The following ADK variants were observed in gnomAD, a reference collection of about 807,000 sequenced individuals.
ADK encodes adenosine kinase.
A neutral mutation model predicts 44.7 loss-of-function variants in ADK; 24 were observed. The ratio of observed to expected loss-of-function variants is 0.54; its 90% confidence interval spans 0.39 to 0.76. The LOEUF (loss-of-function observed/expected upper bound fraction) is 0.76. ADK is among the 30% of genes least tolerant of loss of function. ADK has a pLI of 0.00. For missense variants in ADK, 321 were observed against 425.1 expected (o/e 0.76, Z 2.15); for synonymous variants, 128 against 142.6 (o/e 0.90, Z 0.73).
intron 3 of ADK, among the ~76,000 whole-genome samples, chr10:74,306,976 T>C (rs1467238642): frequency 6.6e-6 from 1 of 152,204 alleles, no homozygotes; most frequent in African/African-American, 2.4e-5. Context: ...ACTTCAGCCT[T>C]ATGTAATTGC....
chr10:74,645,483 T>C (rs890591605), intron 9 of ADK, among the ~76,000 whole-genome samples: 1 of 152,206 alleles, frequency 6.6e-6, no homozygotes, highest in African/African-American at 2.4e-5. Context: ...AATGGAAATA[T>C]AGGTTTTGTG....
intron 1 of ADK, among the ~76,000 whole-genome samples, chr10:74,186,228 C>CCT (rs1564579554): frequency 5.1e-4 from 24 of 46,726 alleles, no homozygotes; most frequent in African/African-American, 1.2e-3. Flanking sequence ...TTCCCTTCCC[C>CCT]TCCTTTCCCT....
intron 3 of ADK, among the ~76,000 whole-genome samples, chr10:74,225,079 A>G (rs1425659297): frequency 6.6e-6 from 1 of 152,118 alleles, no homozygotes; most frequent in African/African-American, 2.4e-5. Flanking sequence ...AAGGTAAAAC[A>G]CTTTATTTTA....
At chr10:74,665,741 G>A (rs1443981087) in intron 9 of ADK, among the ~76,000 whole-genome samples, 3 of 20,270 alleles carry the variant, frequency 1.5e-4, no homozygotes, top group Non-Finnish European at 3.3e-4. Context: ...GCTCTTGAGA[G>A]AGAGAGAGAG....
chr10:74,253,422 AC>A (rs1845720423), intron 3 of ADK, among the ~76,000 whole-genome samples: 2 of 152,148 alleles, frequency 1.3e-5, no homozygotes, highest in Non-Finnish European at 2.9e-5. Context: ...GACATGGCAC[AC>A]TGGTGGGTGT....
chr10:74,449,578 TG>T (rs1845701478), intron 6 of ADK, among the ~76,000 whole-genome samples: 1 of 152,230 alleles, frequency 6.6e-6, no homozygotes, highest in Non-Finnish European at 1.5e-5. Context: ...ATCTGTTTAG[TG>T]CCTAGTATTT....
chr10:74,651,639 C>T (rs1051868173), intron 9 of ADK, among the ~76,000 whole-genome samples: 3 of 152,076 alleles, frequency 2.0e-5, no homozygotes, highest in African/African-American at 4.8e-5. Context: ...TATTTTATGA[C>T]TGGCTTTCAG....
At chr10:74,531,723 G>A (rs930772285) in intron 7 of ADK, among the ~76,000 whole-genome samples, 1 of 152,038 alleles carries the variant, frequency 6.6e-6, no homozygotes, top group African/African-American at 2.4e-5. Context: ...GTAGAGAGGA[G>A]GTCTCGTTTT....
chr10:74,360,189 T>C (rs1414910685), intron 4 of ADK, among the ~76,000 whole-genome samples: 5 of 152,120 alleles, frequency 3.3e-5, no homozygotes, highest in Admixed American at 6.5e-5. Flanking sequence ...TTAGCTTCAC[T>C]GTTTGAAGTT....
chr10:74,341,005 A>G (rs891993004), intron 4 of ADK, among the ~76,000 whole-genome samples: 1 of 152,172 alleles, frequency 6.6e-6, no homozygotes, highest in Admixed American at 6.5e-5. Flanking sequence ...TTAGACATCT[A>G]TCATTATCCT....
In ADK at chr10:74,170,338, G is replaced by GA. The variant is rs1842125661; in HGVS notation, c.65+19001dup. On this transcript the variant is annotated intron_variant, in intron 1 of 10. Coordinates refer to ENST00000539909, the MANE Select transcript of ADK (RefSeq NM_006721.4). ...CCTGTCTTAAAGAATCTTTATACAT[G>GA]AAAAAATGAAACATTTATAAAATTA... Among the ~76,000 whole-genome samples the GA allele has an allele frequency of 3.3e-5, 5 of 151,994 alleles. No individual in the cohort carries two copies. In the South Asian group the frequency reaches 8.3e-4, roughly 25 times the overall value.
chr10:74,176,781 C>T (rs1325976515), intron 1 of ADK: 1 of 1,584,264 alleles, frequency 6.3e-7, no homozygotes, highest in Non-Finnish European at 8.5e-7. Flanking sequence ...AGTGCCTGAG[C>T]CGGGAAGCAG....
intron 4 of ADK, among the ~76,000 whole-genome samples, chr10:74,338,689 C>T (rs969352106): frequency 2.0e-5 from 3 of 151,928 alleles, no homozygotes; most frequent in African/African-American, 7.3e-5. Context: ...CTGTATGATT[C>T]CAATTATATA....
At chr10:74,690,487 C>T (rs1033715898) in intron 10 of ADK, among the ~76,000 whole-genome samples, 1 of 152,172 alleles carries the variant, frequency 6.6e-6, no homozygotes, top group Non-Finnish European at 1.5e-5. Flanking sequence ...TAGAATGAGA[C>T]CCCGTCTCAA....
At chr10:74,687,966 A>G (rs754535248) in intron 10 of ADK, among the ~76,000 whole-genome samples, 4 of 152,160 alleles carry the variant, frequency 2.6e-5, no homozygotes, top group Non-Finnish European at 5.9e-5. Flanking sequence ...CCTGCTTACA[A>G]CCTTTCCGTT....
chr10:74,627,470 C>A (rs1368175809), intron 9 of ADK, among the ~76,000 whole-genome samples: 2 of 151,838 alleles, frequency 1.3e-5, no homozygotes, highest in African/African-American at 4.8e-5. Flanking sequence ...CAGAGTGAGA[C>A]CCTGTCTAAA....
At chr10:74,334,530 TTGAC>T (rs1212788394) in intron 4 of ADK, among the ~76,000 whole-genome samples, 1 of 152,212 alleles carries the variant, frequency 6.6e-6, no homozygotes, top group African/African-American at 2.4e-5. Flanking sequence ...TGTTTTTTCT[TTGAC>T]TGAGGAGTCT....
intron 7 of ADK, among the ~76,000 whole-genome samples, chr10:74,561,200 T>C (rs927561932): frequency 3.3e-5 from 5 of 152,210 alleles, no homozygotes; most frequent in African/African-American, 7.2e-5. Flanking sequence ...ATCTGTGAGT[T>C]TGTGAATCTG....
chr10:74,685,806 A>C (rs1025753345), intron 10 of ADK, among the ~76,000 whole-genome samples: 1 of 152,138 alleles, frequency 6.6e-6, no homozygotes, highest in Non-Finnish European at 1.5e-5. Flanking sequence ...GGGTAGCCAT[A>C]TTTGAGCTTC....
Sources: gnomAD v4.1 joint callset for allele counts (sites outside exome capture counted in the v4.1 genomes callset) on GRCh38, gnomAD v4.1.1 for gene constraint, MANE v1.5 for transcripts, NCBI Gene and HGNC (gene_info 2026-07-23, HGNC 2026-07-21) for gene names.